The following EPC1 variants were observed in gnomAD, a reference collection of about 807,000 sequenced individuals.
EPC1 encodes the protein enhancer of polycomb 1.
A neutral mutation model predicts 98.4 loss-of-function variants in EPC1; 12 were observed. That is an observed-to-expected ratio of 0.12 (90% CI 0.08 to 0.20). The LOEUF (loss-of-function observed/expected upper bound fraction) is 0.20, where lower values mean the gene tolerates loss of function less well. EPC1 is among the 10% of genes least tolerant of loss of function. EPC1 has a pLI of 1.00. For missense variants in EPC1, 729 were observed against 990.5 expected (o/e 0.74, Z 3.54); for synonymous variants, 357 against 363.9 (o/e 0.98, Z 0.21).
chr10:32,353,673 A>G (rs982154375), intron 1 of EPC1, among the ~76,000 whole-genome samples: 2 of 152,246 alleles, frequency 1.3e-5, no homozygotes, highest in Non-Finnish European at 2.9e-5. Context: ...AAAGTGAGGT[A>G]CTGTATTTGT....
chr10:32,329,497 C>G (rs558533607), intron 1 of EPC1, among the ~76,000 whole-genome samples: 2 of 152,302 alleles, frequency 1.3e-5, no homozygotes, highest in Admixed American at 6.5e-5. Context: ...CACAGATAAT[C>G]TATTTCAAGT....
At chr10:32,343,258 G>A (rs952544319) in intron 1 of EPC1, among the ~76,000 whole-genome samples, 1 of 152,118 alleles carries the variant, frequency 6.6e-6, no homozygotes, top group African/African-American at 2.4e-5. Flanking sequence ...TGCACAGGCT[G>A]TGAGTGCAGT....
chr10:32,306,050 A>G, intron 1 of EPC1, 119 bp from the exon 2 acceptor site: 2 of 849,000 alleles, frequency 2.4e-6, no homozygotes, highest in Non-Finnish European at 3.4e-6. Flanking sequence ...CTAGTAGTAG[A>G]TCTTAAAAGC....
intron 1 of EPC1, among the ~76,000 whole-genome samples, chr10:32,343,236 T>C (rs975645953): frequency 1.3e-5 from 2 of 152,166 alleles, no homozygotes; most frequent in African/African-American, 4.8e-5. Flanking sequence ...CTGAAACGAG[T>C]TTCGCTCTTC....
intron 10 of EPC1, among the ~76,000 whole-genome samples, chr10:32,278,361 GT>G (rs1188632386): frequency 5.7e-5 from 7 of 122,670 alleles, no homozygotes; most frequent in Admixed American, 1.9e-4. Context: ...GTATACTTTG[GT>G]TTTTTTTTGT....
At chr10:32,324,284 T>C (rs1487784422) in intron 1 of EPC1, among the ~76,000 whole-genome samples, 2 of 150,484 alleles carry the variant, frequency 1.3e-5, no homozygotes, top group Non-Finnish European at 3.0e-5. Context: ...AGGCTGGGCA[T>C]GTGGTTCACG....
rs112120111 is a variant in EPC1, at chr10:32,273,759, T to C, written c.1745-478A>G. On this transcript the variant is annotated intron_variant, in intron 10 of 13. Coordinates refer to ENST00000319778, the MANE Select transcript of EPC1 (RefSeq NM_001272004.3). ...GTGTATATATACTAATAGTTCTACATATTTTCTAATTGTAGTCATTAAAAA... is the reference window on the plus strand; with the variant it reads ...GTGTATATATACTAATAGTTCTACACATTTTCTAATTGTAGTCATTAAAAA... Among the ~76,000 whole-genome samples the C allele has an allele frequency of 3.2e-3, 493 of 152,296 alleles. 2 individuals carry two copies. Among genetic ancestry groups the C allele is most frequent in the African/African-American group, 0.011 (463 of 41,568 alleles).
chr10:32,358,631 TAAA>T (rs752276859), intron 1 of EPC1, among the ~76,000 whole-genome samples: 1 of 26,836 alleles, frequency 3.7e-5, no homozygotes, highest in Middle Eastern at 0.014. Context: ...GGGAACGGAG[TAAA>T]AAAAAAAAAA....
At chr10:32,270,443 T>C (rs1334389982) in intron 13 of EPC1, among the ~76,000 whole-genome samples, 1 of 152,192 alleles carries the variant, frequency 6.6e-6, no homozygotes, top group Admixed American at 6.5e-5. Flanking sequence ...AACTGTCTAC[T>C]GAAATCCAAG....
chr10:32,300,247 A>C (rs1373026060), intron 2 of EPC1, among the ~76,000 whole-genome samples: 1 of 151,510 alleles, frequency 6.6e-6, no homozygotes, highest in South Asian at 2.1e-4. Context: ...ATTTTTTTTA[A>C]ATTTTTTTTT....
chr10:32,297,378 T>C (rs895681973), intron 2 of EPC1, among the ~76,000 whole-genome samples: 1 of 150,434 alleles, frequency 6.6e-6, no homozygotes, highest in East Asian at 2.0e-4. Context: ...GCCTCTCGGG[T>C]TCAAGCGATA....
rs746897094 is a variant in EPC1 at position 32,322,472 on chromosome 10, GTGA to G, written c.154-16544_154-16542del. Among the ~76,000 whole-genome samples the G allele has an allele frequency of 5.8e-4, 88 of 152,284 alleles. 2 individuals are homozygous for G. Among genetic ancestry groups the G allele is most frequent in the South Asian group, 4.1e-4 (2 of 4,824 alleles). ...ACCATCCAGAGAGAGGAGGATTTAT[GTGA>G]TGAACTAAATAGGTTGAAACAAAGT... On this transcript the variant is annotated intron_variant, in intron 1 of 13. Coordinates refer to ENST00000319778, the MANE Select transcript of EPC1 (RefSeq NM_001272004.3).
At chr10:32,293,853 G>C in intron 2 of EPC1, 116 bp from the exon 3 acceptor site, 1 of 1,044,694 alleles carries the variant, frequency 9.6e-7, no homozygotes, top group Non-Finnish European at 1.3e-6. Context: ...AAGAATTCTT[G>C]GATTTTGTTT....
chr10:32,328,938 C>A (rs558166034), intron 1 of EPC1, among the ~76,000 whole-genome samples: 8 of 152,166 alleles, frequency 5.3e-5, no homozygotes, highest in Admixed American at 2.0e-4. Flanking sequence ...CAGAATTATG[C>A]GTATCACCTG....
intron 1 of EPC1, among the ~76,000 whole-genome samples, chr10:32,360,766 C>A (rs555889872): frequency 6.6e-6 from 1 of 152,090 alleles, no homozygotes; most frequent in Non-Finnish European, 1.5e-5. Flanking sequence ...CAGTGGCCTG[C>A]GCCTGTAGTC....
intron 1 of EPC1, among the ~76,000 whole-genome samples, chr10:32,336,067 CTT>C (rs1222918543): frequency 9.1e-5 from 5 of 55,194 alleles, no homozygotes; most frequent in Non-Finnish European, 3.2e-4. Context: ...ACTACCTTTT[CTT>C]TTTTTTTTTT....
chr10:32,316,261 C>A (rs1475434), intron 1 of EPC1, among the ~76,000 whole-genome samples: 10 of 152,342 alleles, frequency 6.6e-5, no homozygotes, highest in South Asian at 4.1e-4. Context: ...GAGGAAAGGC[C>A]GATAGATACT....
chr10:32,365,875 T>C (rs925003251), intron 1 of EPC1, among the ~76,000 whole-genome samples: 2 of 110,466 alleles, frequency 1.8e-5, no homozygotes, highest in Non-Finnish European at 3.7e-5. Flanking sequence ...GGCTCAAACA[T>C]GTAATCCCAG....
chr10:32,318,892 G>C (rs1402698115), intron 1 of EPC1, among the ~76,000 whole-genome samples: 1 of 151,708 alleles, frequency 6.6e-6, no homozygotes, highest in Non-Finnish European at 1.5e-5. Flanking sequence ...CTTCATCTTT[G>C]GGTCTTTATT....
Sources: allele counts gnomAD v4.1 joint callset (sites outside exome capture counted in the v4.1 genomes callset), GRCh38; gene constraint gnomAD v4.1.1; transcripts MANE v1.5; gene names NCBI Gene and HGNC (gene_info 2026-07-23, HGNC 2026-07-21).